PKD2: variants seen among roughly 807,000 people sequenced by gnomAD.
PKD2 encodes polycystin 2, transient receptor potential cation channel, also known as polycystin-2.
Under a neutral mutation model 105.9 loss-of-function variants are expected in PKD2, and 48 were observed. The ratio of observed to expected loss-of-function variants is 0.45; its 90% CI spans 0.36 to 0.58. The LOEUF is 0.58. Among genes scored for constraint, PKD2 ranks in the 20% least tolerant of loss-of-function variants. PKD2 has a pLI of 0.00. For missense variants in PKD2, 1,078 were observed against 1,255.3 expected (o/e 0.86, Z 2.13); for synonymous variants, 464 against 481.1 (o/e 0.96, Z 0.46).
chr4:88,011,906 G>A (rs77886354), intron 1 of PKD2, among the ~76,000 whole-genome samples: 1 of 90,232 alleles, frequency 1.1e-5, no homozygotes, highest in Non-Finnish European at 2.3e-5. Flanking sequence ...GGGGGGGGGG[G>A]AGGGGCAGTT....
chr4:88,023,429 C>T (rs1171304827), intron 2 of PKD2, among the ~76,000 whole-genome samples: 1 of 152,216 alleles, frequency 6.6e-6, no homozygotes, highest in South Asian at 2.1e-4. Context: ...GATCTGATCA[C>T]CTCGTACCAG....
intron 2 of PKD2, among the ~76,000 whole-genome samples, chr4:88,024,475 A>G (rs1326535107): frequency 6.7e-5 from 10 of 149,760 alleles, no homozygotes; most frequent in East Asian, 3.9e-4. Flanking sequence ...AAAAAAAAAA[A>G]AAAAAAAGAA....
chr4:88,016,732 G>A (rs1266361170), intron 1 of PKD2, among the ~76,000 whole-genome samples: 2 of 151,610 alleles, frequency 1.3e-5, no homozygotes, highest in African/African-American at 4.8e-5. Context: ...AGGCCAAGGT[G>A]AGAGGATTGC....
At chr4:88,016,022 C>T (rs1301508594) in intron 1 of PKD2, among the ~76,000 whole-genome samples, 1 of 152,194 alleles carries the variant, frequency 6.6e-6, no homozygotes, top group Non-Finnish European at 1.5e-5. Context: ...GTGAGATTCT[C>T]ATAAGGAGCA....
At chr4:88,010,494 T>C (rs1726348972) in intron 1 of PKD2, among the ~76,000 whole-genome samples, 1 of 152,168 alleles carries the variant, frequency 6.6e-6, no homozygotes, top group East Asian at 1.9e-4. Flanking sequence ...GGGTTGAGAT[T>C]CCCCCTGCCC....
At chr4:88,073,569 C>T (rs928928230) in intron 13 of PKD2, among the ~76,000 whole-genome samples, 3 of 151,652 alleles carry the variant, frequency 2.0e-5, no homozygotes, top group African/African-American at 7.3e-5. Flanking sequence ...GAAATGCTGG[C>T]AGCCTGCCCC....
chr4:88,054,400 A>C (rs1415145152), intron 7 of PKD2, among the ~76,000 whole-genome samples: 3 of 139,112 alleles, frequency 2.2e-5, no homozygotes, highest in Non-Finnish European at 4.8e-5. Context: ...ACTTCGTCTC[A>C]AAAAAAAAAA....
At chr4:88,009,580 G>A (rs1329291715) in intron 1 of PKD2, among the ~76,000 whole-genome samples, 1 of 152,058 alleles carries the variant, frequency 6.6e-6, no homozygotes, top group African/African-American at 2.4e-5. Flanking sequence ...TGTGCAGCAT[G>A]TATTTGTCAT....
chr4:88,058,490 C>T lies in PKD2; in HGVS notation c.2019+387C>T, dbSNP rs548546903. Among the ~76,000 whole-genome samples, 6 of 152,216 alleles carry T rather than the reference C, an allele frequency of 3.9e-5. No homozygotes were observed. In the South Asian group the frequency reaches 1.2e-3, roughly 32 times the overall value. ...AGAATATGCTTACATGCTTTTTAAACTCATATGTCAGCACTTTCGTAGTCA... is the reference window on the plus strand; with the variant it reads ...AGAATATGCTTACATGCTTTTTAAATTCATATGTCAGCACTTTCGTAGTCA... On this transcript the variant is annotated intron_variant, in intron 9 of 14. Coordinates refer to ENST00000237596, the MANE Select transcript of PKD2 (RefSeq NM_000297.4).
chr4:88,064,062 C>G (rs142177560), intron 10 of PKD2, among the ~76,000 whole-genome samples: 1 of 152,078 alleles, frequency 6.6e-6, no homozygotes, highest in African/African-American at 2.4e-5. Context: ...GGCTGAGGCA[C>G]GAGAATTGCT....
intron 2 of PKD2, among the ~76,000 whole-genome samples, chr4:88,027,607 G>T (rs1239443025): frequency 2.0e-5 from 3 of 152,180 alleles, no homozygotes; most frequent in Admixed American, 6.5e-5. Context: ...AGGCGTATTT[G>T]GTTTTGAAAT....
At chr4:88,045,392 A>C (rs1193786598) in intron 5 of PKD2, among the ~76,000 whole-genome samples, 1 of 152,236 alleles carries the variant, frequency 6.6e-6, no homozygotes, top group African/African-American at 2.4e-5. Context: ...AAAAGGAAGG[A>C]AAATTTTCAC....
intron 5 of PKD2, among the ~76,000 whole-genome samples, chr4:88,043,902 A>G (rs554530078): frequency 2.0e-5 from 3 of 152,288 alleles, no homozygotes; most frequent in Admixed American, 2.0e-4. Flanking sequence ...TAGGATGCTC[A>G]GTAGGATACC....
At chr4:88,060,782 A>G (rs1720544092) in intron 9 of PKD2, among the ~76,000 whole-genome samples, 3 of 152,324 alleles carry the variant, frequency 2.0e-5, no homozygotes, top group South Asian at 2.1e-4. Flanking sequence ...TGAACTCACC[A>G]TTACTGAATA....
At chr4:88,035,600 A>T (rs1478032475) in intron 2 of PKD2, among the ~76,000 whole-genome samples, 5 of 152,172 alleles carry the variant, frequency 3.3e-5, no homozygotes, top group African/African-American at 4.8e-5. Flanking sequence ...TCCACTGCCA[A>T]ACTGCATCCA....
In PKD2 at chr4:88,007,665, C is replaced by G; in HGVS notation, c.-69C>G. 9.7e-7 allele frequency: 1 copy of G among 1,031,220 alleles called. No homozygotes were observed. Among genetic ancestry groups the G allele is most frequent in the Non-Finnish European group, 1.2e-6 (1 of 848,096 alleles). The allele number at this position is 1,031,220 out of a possible 1,614,324, so 63.9% of individuals were successfully genotyped here. A position where few individuals can be genotyped will look rare whatever the true frequency, so the allele number is the denominator to read the frequency against. On this transcript the variant is annotated 5_prime_UTR_variant, in exon 1 of 15. Coordinates refer to ENST00000237596, the MANE Select transcript of PKD2 (RefSeq NM_000297.4). The stretch of plus-strand genomic sequence containing the variant: ...GCGGCGGGCGCCGGGAAGAAAGGAA[C>G]ATGGCTCCTGAGGCGCACAGCGCCG...
At chr4:88,016,211 G>C (rs2110086578) in intron 1 of PKD2, among the ~76,000 whole-genome samples, 1 of 152,316 alleles carries the variant, frequency 6.6e-6, no homozygotes, top group Non-Finnish European at 1.5e-5. Context: ...CCCGTCTGCA[G>C]CCTGGGGACT....
intron 6 of PKD2, among the ~76,000 whole-genome samples, chr4:88,048,788 A>G (rs1284722204): frequency 6.6e-6 from 1 of 152,234 alleles, no homozygotes; most frequent in Non-Finnish European, 1.5e-5. Context: ...TTCTCAATGT[A>G]TTAATAATGA....
intron 3 of PKD2, among the ~76,000 whole-genome samples, chr4:88,037,783 A>G (rs1279107281): frequency 6.6e-6 from 1 of 152,242 alleles, no homozygotes; most frequent in Non-Finnish European, 1.5e-5. Context: ...GAGGGATTGG[A>G]GAGTTCACCA....
Sources: gnomAD v4.1 joint callset for allele counts (sites outside exome capture counted in the v4.1 genomes callset) on GRCh38, gnomAD v4.1.1 for gene constraint, MANE v1.5 for transcripts, NCBI Gene and HGNC (gene_info 2026-07-23, HGNC 2026-07-21) for gene names.